The following DNM3 variants were observed in gnomAD, a reference collection of about 807,000 sequenced individuals.
The protein encoded by DNM3 is dynamin-3.
In DNM3, 47 loss-of-function variants were observed where a neutral mutation model predicts 101.6. That is an observed-to-expected ratio of 0.46 (90% confidence interval 0.37 to 0.59). The LOEUF (loss-of-function observed/expected upper bound fraction) is 0.59, where lower values mean the gene tolerates loss of function less well. DNM3 is among the 20% of genes least tolerant of loss of function. The pLI is 0.00. For missense variants in DNM3, 849 were observed against 1,085.7 expected (o/e 0.78, Z 3.06); for synonymous variants, 385 against 387.9 (o/e 0.99, Z 0.09).
intron 2 of DNM3, among the ~76,000 whole-genome samples, chr1:171,930,048 G>T (rs2040878179): frequency 6.6e-6 from 1 of 152,084 alleles, no homozygotes; most frequent in African/African-American, 2.4e-5. Context: ...GGCTCTGGTT[G>T]AAAGGTTCCA....
chr1:172,387,425 A>T, intron 19 of DNM3, 66 bp downstream of exon 19: 11 of 1,349,514 alleles, frequency 8.2e-6, no homozygotes, highest in Non-Finnish European at 1.1e-5. Flanking sequence ...TGAGAGGCCG[A>T]GGCGGGCGGA....
intron 19 of DNM3, among the ~76,000 whole-genome samples, chr1:172,388,191 G>A (rs1055173138): frequency 4.0e-5 from 6 of 151,076 alleles, no homozygotes; most frequent in Non-Finnish European, 8.9e-5. Flanking sequence ...CCGAGATCAC[G>A]CCACTGCACT....
chr1:172,314,668 T>C (rs1375810231), intron 16 of DNM3, among the ~76,000 whole-genome samples: 1 of 152,148 alleles, frequency 6.6e-6, no homozygotes, highest in South Asian at 2.1e-4. Context: ...AACTGCAAGG[T>C]GGCAGCGAGG....
chr1:172,172,510 G>T (rs559179835), intron 14 of DNM3, among the ~76,000 whole-genome samples: 7 of 151,756 alleles, frequency 4.6e-5, no homozygotes, highest in Non-Finnish European at 1.0e-4. Flanking sequence ...TATAACTTAT[G>T]AATTGTTTAT....
intron 1 of DNM3, among the ~76,000 whole-genome samples, chr1:171,874,229 A>G (rs950146230): frequency 6.6e-6 from 1 of 152,210 alleles, no homozygotes; most frequent in African/African-American, 2.4e-5. Flanking sequence ...TAATATGCAT[A>G]TATGTATATG....
chr1:172,030,946 T>C (rs1265949016), intron 4 of DNM3, among the ~76,000 whole-genome samples: 1 of 152,202 alleles, frequency 6.6e-6, no homozygotes, highest in Non-Finnish European at 1.5e-5. Flanking sequence ...GCTTTGACAC[T>C]GTTGGTGGGA....
chr1:172,323,028 C>G (rs1168380544), intron 16 of DNM3, among the ~76,000 whole-genome samples: 1 of 152,082 alleles, frequency 6.6e-6, no homozygotes, highest in African/African-American at 2.4e-5. Flanking sequence ...GTTCCCATAC[C>G]CCAGGTATTC....
chr1:171,951,525 C>T (rs2042525229), intron 2 of DNM3, among the ~76,000 whole-genome samples: 2 of 152,158 alleles, frequency 1.3e-5, no homozygotes, highest in Admixed American at 1.3e-4. Context: ...ATTGTTTTCT[C>T]TAGTGGTCAA....
Position 172,379,273 on chromosome 1 carries a change from T to C in DNM3, c.2058+91T>C. The C allele has an allele frequency of 5.3e-6, 6 of 1,130,552 alleles. 1 individual carries two copies. In the South Asian group the frequency reaches 8.2e-5, roughly 15 times the overall value. The allele number at this position is 1,130,552 out of a possible 1,614,324, so 70.0% of individuals were successfully genotyped here. On this transcript the variant is annotated intron_variant, in intron 18 of 20. Coordinates refer to ENST00000627582, the MANE Select transcript of DNM3 (RefSeq NM_015569.5). ...ATCTTCAGCTTCTTTGTGTATTTTC[T>C]GGATAGTTCAAATAATATTACCCAG... is the stretch of plus-strand genomic sequence containing the variant.
Position 172,068,829 on chromosome 1 carries a change from T to C in DNM3, c.1346T>C (p.Phe449Ser). 6.4e-7 allele frequency: 1 copy of C among 1,570,920 alleles called. No homozygotes were observed. Among genetic ancestry groups the C allele is most frequent in the Non-Finnish European group, 8.6e-7 (1 of 1,157,126 alleles). The part of the protein sequence containing the change: ...VKKCTKKLAN[F>S]PRLCEETERI... ...TGCTTTTCTTGACAGCTGGCAAACT[T>C]CCCCAGACTCTGCGAGGAAACGGAA... The change falls in exon 11 of 21, where the codon TTC (phenylalanine) becomes TCC (serine). Residue 449 changes from phenylalanine (F) to serine (S), a missense_variant. Phe to Ser is a radical substitution (Grantham distance 155). Transcript: ENST00000627582.
chr1:171,917,072 A>C (rs1263986052), intron 1 of DNM3, among the ~76,000 whole-genome samples: 1 of 152,040 alleles, frequency 6.6e-6, no homozygotes, highest in Non-Finnish European at 1.5e-5. Flanking sequence ...ATAGTTATTT[A>C]TTTGCATGTT....
chr1:172,413,853 A>ATCTG (rs2071335926), downstream of DNM3, among the ~76,000 whole-genome samples: 1 of 152,192 alleles, frequency 6.6e-6, no homozygotes, highest in African/African-American at 2.4e-5. Context: ...TGAGTGGAAC[A>ATCTG]TCTGTACCTT....
At chr1:172,218,634 T>C (rs952482540) in intron 14 of DNM3, among the ~76,000 whole-genome samples, 1 of 152,042 alleles carries the variant, frequency 6.6e-6, no homozygotes, top group Non-Finnish European at 1.5e-5. Flanking sequence ...CTAAAAAAAA[T>C]CTGAATTCTG....
At chr1:172,173,234 G>A (rs1438651042) in intron 14 of DNM3, among the ~76,000 whole-genome samples, 2 of 151,748 alleles carry the variant, frequency 1.3e-5, no homozygotes, top group East Asian at 3.9e-4. Flanking sequence ...GGATGTTAAA[G>A]TAATAGAATT....
At chr1:171,891,290 G>A (rs1317430367) in intron 1 of DNM3, among the ~76,000 whole-genome samples, 1 of 150,908 alleles carries the variant, frequency 6.6e-6, no homozygotes, top group Non-Finnish European at 1.5e-5. Flanking sequence ...TTTTTCAAAT[G>A]AACGTTTTCT....
downstream of DNM3, among the ~76,000 whole-genome samples, chr1:172,413,964 A>T (rs1405694064): frequency 6.6e-6 from 1 of 152,250 alleles, no homozygotes; most frequent in African/African-American, 2.4e-5. Flanking sequence ...ATTTTGAAGT[A>T]TGTTAATCAT....
chr1:171,865,903 T>C (rs1411821143), intron 1 of DNM3, among the ~76,000 whole-genome samples: 1 of 152,214 alleles, frequency 6.6e-6, no homozygotes, highest in Admixed American at 6.5e-5. Context: ...CATGTTGAGA[T>C]TTCAATGTAA....
rs114663273 is a variant in DNM3 at position 172,070,161 on chromosome 1, C to T, written c.1422+1256C>T. Among the ~76,000 whole-genome samples the T allele has an allele frequency of 9.0e-3, 1,364 of 152,116 alleles. 19 individuals carry two copies. Among genetic ancestry groups the T allele is most frequent in the African/African-American group, 0.03 (1,253 of 41,484 alleles). ...CCATTTATAGTTTTCACTTGTTTACCAACTTTCACAGTCTTGGATAGCTGC... is the reference window on the plus strand; with the variant it reads ...CCATTTATAGTTTTCACTTGTTTACTAACTTTCACAGTCTTGGATAGCTGC... On this transcript the variant is annotated intron_variant, in intron 11 of 20. Coordinates refer to ENST00000627582, the MANE Select transcript of DNM3 (RefSeq NM_015569.5).
chr1:172,131,401 T>G (rs952411900), intron 14 of DNM3, 113 bp downstream of exon 14: 17 of 853,166 alleles, frequency 2.0e-5, no homozygotes, highest in Non-Finnish European at 2.6e-5. Context: ...TTCAGTGAGA[T>G]TAAGCTTGGA....
Sources: gnomAD v4.1 joint callset for allele counts (sites outside exome capture counted in the v4.1 genomes callset) on GRCh38, gnomAD v4.1.1 for gene constraint, MANE v1.5 for transcripts, NCBI Gene and HGNC (gene_info 2026-07-23, HGNC 2026-07-21) for gene names.